SHISA9: variants seen among roughly 807,000 people sequenced by gnomAD.
SHISA9 encodes protein shisa-9.
A neutral mutation model predicts 38.0 loss-of-function variants in SHISA9; 13 were observed. The ratio of observed to expected loss-of-function variants is 0.34; its 90% CI spans 0.22 to 0.54. The LOEUF (loss-of-function observed/expected upper bound fraction) is 0.54. SHISA9 is among the 20% of genes least tolerant of loss of function. The probability of loss-of-function intolerance (pLI) is 0.91; values close to 1 mark genes in which losing one functional copy is unlikely to be tolerated. For synonymous variants in SHISA9, 275 were observed against 242.0 expected, an observed-to-expected ratio of 1.14 and a Z score of -1.27; for missense variants, 538 against 575.8, an observed-to-expected ratio of 0.93 and a Z score of 0.67.
At position 13,089,366 on chromosome 16, in the gene SHISA9, C is replaced by T. The variant is rs143238794; in HGVS notation, c.692-114028C>T. Among the ~76,000 whole-genome samples the T allele has an allele frequency of 1.9e-3, 294 of 152,174 alleles. 1 individual carries two copies. The highest frequency in any genetic ancestry group is 6.8e-3 in the Middle Eastern group (2 of 294). On this transcript the variant is annotated intron_variant, in intron 2 of 4. Coordinates refer to ENST00000558583, the MANE Select transcript of SHISA9 (RefSeq NM_001145204.3). ...TTTTTCTATTGACTGGAGTACTTTC[C>T]GAAGGAATGGTACCAGCTCCTCTTT...
chr16:13,177,623 G>C (rs2050742801), intron 2 of SHISA9, among the ~76,000 whole-genome samples: 1 of 151,522 alleles, frequency 6.6e-6, no homozygotes, highest in Non-Finnish European at 1.5e-5. Context: ...CTAGATTACT[G>C]GCTCCTGGAG....
chr16:12,969,582 TA>T (rs889203922), intron 2 of SHISA9, among the ~76,000 whole-genome samples: 2 of 151,850 alleles, frequency 1.3e-5, no homozygotes, highest in African/African-American at 4.8e-5. Flanking sequence ...CTGTCTCTAC[TA>T]AAAAAACAGA....
the SHISA9 span, among the ~76,000 whole-genome samples, chr16:13,436,262 A>G: frequency 1.8e-4 from 27 of 152,362 alleles, no homozygotes; most frequent in African/African-American, 6.5e-4. Context: ...GAAACCAGCC[A>G]AAACCTACCA....
chr16:13,485,408 A>C, the SHISA9 span, among the ~76,000 whole-genome samples: 1 of 152,186 alleles, frequency 6.6e-6, no homozygotes, highest in African/African-American at 2.4e-5. Flanking sequence ...TCCACGGTGT[A>C]TATATGCCAC....
At chr16:13,418,562 C>G in the SHISA9 span, among the ~76,000 whole-genome samples, 44 of 152,310 alleles carry the variant, frequency 2.9e-4, no homozygotes, top group South Asian at 8.9e-3. Context: ...GACTTCCCCC[C>G]AGTATGGCGG....
the SHISA9 span, among the ~76,000 whole-genome samples, chr16:13,533,547 C>CTCT: frequency 6.6e-6 from 1 of 152,004 alleles, no homozygotes; most frequent in East Asian, 1.9e-4. Flanking sequence ...GTATAAGGAC[C>CTCT]TCTTCATCAC....
At chr16:12,908,482 C>G (rs748358485) in intron 1 of SHISA9, 2 of 1,552,290 alleles carry the variant, frequency 1.3e-6, no homozygotes, top group Admixed American at 3.9e-5. Flanking sequence ...GAGGTAGGCT[C>G]TATGACAATC....
At chr16:13,495,653 T>C in the SHISA9 span, among the ~76,000 whole-genome samples, 3 of 152,054 alleles carry the variant, frequency 2.0e-5, no homozygotes, top group South Asian at 6.2e-4. Flanking sequence ...TTTTAAATAT[T>C]TGGTGAATGT....
the SHISA9 span, among the ~76,000 whole-genome samples, chr16:13,396,154 C>G: frequency 6.6e-6 from 1 of 152,126 alleles, no homozygotes; most frequent in Non-Finnish European, 1.5e-5. Flanking sequence ...CATAGAATCT[C>G]AAACTCTACA....
chr16:13,058,751 T>TTGTGTGTGTG lies in SHISA9; in HGVS notation c.691+141959_691+141968dup, dbSNP rs57415975. On this transcript the variant is annotated intron_variant, in intron 2 of 4. Coordinates refer to ENST00000558583, the MANE Select transcript of SHISA9 (RefSeq NM_001145204.3). ...GTCATTGACCAGTGGTGTGGTGTAT[T>TTGTGTGTGTG]TGTGTGTGTGTGTGTGTGTGTGTGT... is the stretch of plus-strand genomic sequence containing the variant. 9.0e-3 allele frequency among the ~76,000 whole-genome samples: 1,297 copies of TTGTGTGTGTG among 144,912 alleles called. 20 individuals carry two copies. Among genetic ancestry groups the TTGTGTGTGTG allele is most frequent in the African/African-American group, 0.031 (1,218 of 39,628 alleles).
chr16:13,481,613 A>T, the SHISA9 span, among the ~76,000 whole-genome samples: 1 of 152,120 alleles, frequency 6.6e-6, no homozygotes, highest in Non-Finnish European at 1.5e-5. Context: ...GACCAGTCTT[A>T]TGTCTACCAC....
At chr16:13,027,235 C>G (rs990153255) in intron 2 of SHISA9, among the ~76,000 whole-genome samples, 2 of 152,154 alleles carry the variant, frequency 1.3e-5, no homozygotes, top group African/African-American at 4.8e-5. Flanking sequence ...AGGATGGACT[C>G]CATCAATATT....
chr16:13,235,262 G>A lies in SHISA9; in HGVS notation c.1128G>A (p.Gln376=). 1 of 1,551,720 alleles carries A rather than the reference G, an allele frequency of 6.4e-7. No individual in the cohort carries two copies. ...TNFKGWDPNE[Q]SLRRQAYSNK... Reference sequence around the variant, plus strand: ...TTAAGGGCTGGGACCCCAACGAGCAGTCCCTCCGGCGGCAGGCTTACAGCA... The same window carrying A: ...TTAAGGGCTGGGACCCCAACGAGCAATCCCTCCGGCGGCAGGCTTACAGCA... Residue 376 remains glutamine, a synonymous_variant, in exon 5 of 5, where the codon CAG becomes CAA. Coordinates refer to ENST00000558583, the MANE Select transcript of SHISA9 (RefSeq NM_001145204.3).
intron 2 of SHISA9, among the ~76,000 whole-genome samples, chr16:13,033,592 C>A (rs2073017686): frequency 6.6e-6 from 1 of 152,090 alleles, no homozygotes. Flanking sequence ...GATTAGGGGT[C>A]CACTTGCATT....
At chr16:13,381,573 G>A in the SHISA9 span, among the ~76,000 whole-genome samples, 6 of 152,316 alleles carry the variant, frequency 3.9e-5, no homozygotes, top group East Asian at 1.2e-3. Context: ...CTATATTTGA[G>A]ATGTAAATTT....
chr16:13,391,558 G>C, the SHISA9 span, among the ~76,000 whole-genome samples: 1 of 152,196 alleles, frequency 6.6e-6, no homozygotes, highest in East Asian at 1.9e-4. Flanking sequence ...AGATGGCTGG[G>C]TTCGGGGGGA....
rs571324882 is a variant in SHISA9 at position 13,186,517 on chromosome 16, C to T, written c.692-16877C>T. ...TTCACCATGTTGGTCAGGCTGGTCT[C>T]GAACTCCTGACCTCGTGATACACCC... On this transcript the variant is annotated intron_variant, in intron 2 of 4. Coordinates refer to ENST00000558583, the MANE Select transcript of SHISA9 (RefSeq NM_001145204.3). Among the ~76,000 whole-genome samples, 7 of 151,858 alleles carry T rather than the reference C, an allele frequency of 4.6e-5. No homozygotes were observed. The East Asian group carries it at 9.7e-4, about 21-fold the overall frequency.
chr16:13,466,262 G>T, the SHISA9 span, among the ~76,000 whole-genome samples: 2 of 152,224 alleles, frequency 1.3e-5, no homozygotes, highest in Non-Finnish European at 1.5e-5. Flanking sequence ...AACAGGCTAA[G>T]AAGAGAGTGA....
chr16:13,376,201 G>C, the SHISA9 span, among the ~76,000 whole-genome samples: 1 of 152,168 alleles, frequency 6.6e-6, no homozygotes, highest in African/African-American at 2.4e-5. Context: ...CACGTCATAT[G>C]GCTAAAACAT....
Sources: gnomAD v4.1 joint callset for allele counts (sites outside exome capture counted in the v4.1 genomes callset) on GRCh38, gnomAD v4.1.1 for gene constraint, MANE v1.5 for transcripts, NCBI Gene and HGNC (gene_info 2026-07-23, HGNC 2026-07-21) for gene names.